ROBO2: variants seen among roughly 807,000 people sequenced by gnomAD.
ROBO2 encodes roundabout homolog 2.
In ROBO2, 53 loss-of-function variants were observed where a neutral mutation model predicts 160.8. The observed-to-expected ratio is 0.33, with a 90% CI of 0.26 to 0.41. The LOEUF (loss-of-function observed/expected upper bound fraction) is 0.41, where lower values mean the gene tolerates loss of function less well. Among genes scored for constraint, ROBO2 ranks in the 10% least tolerant of loss-of-function variants. The pLI is 1.00. For synonymous variants in ROBO2, 664 were observed against 611.7 expected (o/e 1.09, Z -1.26); for missense variants, 1,577 against 1,722.4 (o/e 0.92, Z 1.49).
intron 2 of ROBO2, among the ~76,000 whole-genome samples, chr3:76,097,987 A>G (rs2069523788): frequency 1.3e-5 from 2 of 151,792 alleles, no homozygotes; most frequent in African/African-American, 2.4e-5. Flanking sequence ...GCATTTTTTG[A>G]CACCCTTGAA....
chr3:76,843,810 C>T (rs1233429692), intron 2 of ROBO2, among the ~76,000 whole-genome samples: 1 of 151,956 alleles, frequency 6.6e-6, no homozygotes, highest in Non-Finnish European at 1.5e-5. Flanking sequence ...CTAAAAACGA[C>T]CAGGTACAAA....
rs1018975306 is a variant in ROBO2, at chr3:77,264,918, G to A, written c.388+166578G>A. 2.6e-4 allele frequency among the ~76,000 whole-genome samples: 40 copies of A among 152,004 alleles called. 1 individual carries two copies. Among genetic ancestry groups the A allele is most frequent in the African/African-American group, 8.5e-4 (35 of 41,374 alleles). ...AGCTATAATGCGGCCTGTTCCTTTAGGTGTATCACTATAGAAAAATCTCTT... is the reference window on the plus strand; with the variant it reads ...AGCTATAATGCGGCCTGTTCCTTTAAGTGTATCACTATAGAAAAATCTCTT... On this transcript the variant is annotated intron_variant, in intron 2 of 25. Coordinates refer to ENST00000461745, the Ensembl canonical transcript of ROBO2.
At position 77,042,719 on chromosome 3, in the gene ROBO2, T is replaced by A. The variant is rs1052928827; in HGVS notation, c.61+1873T>A. Reference sequence around the variant, plus strand: ...CTTTCATTCCTCCCTCCCTTCTTTCTCTCCGTTTTATTCCTCTCTCCCTTC... The same window carrying A: ...CTTTCATTCCTCCCTCCCTTCTTTCACTCCGTTTTATTCCTCTCTCCCTTC... On this transcript the variant is annotated intron_variant, in intron 1 of 25. Transcript: ENST00000461745. 2.6e-5 allele frequency among the ~76,000 whole-genome samples: 4 copies of A among 152,134 alleles called. No individual in the cohort carries two copies. The South Asian group carries it at 8.3e-4, about 32-fold the overall frequency.
intron 2 of ROBO2, among the ~76,000 whole-genome samples, chr3:76,950,946 T>C (rs1015222294): frequency 2.0e-5 from 3 of 152,158 alleles, no homozygotes; most frequent in Non-Finnish European, 4.4e-5. Context: ...CAGGCTGGTC[T>C]GGAACTCCCA....
intron 2 of ROBO2, among the ~76,000 whole-genome samples, chr3:77,274,405 GTTT>G (rs539969444): frequency 1.3e-3 from 194 of 152,120 alleles, no homozygotes; most frequent in African/African-American, 4.5e-3. Context: ...TCGTAAGAAT[GTTT>G]TATATTTATT....
chr3:76,590,110 A>G, intron 2 of ROBO2, among the ~76,000 whole-genome samples: 1 of 152,190 alleles, frequency 6.6e-6, no homozygotes, highest in East Asian at 1.9e-4. Flanking sequence ...CATGTATTAT[A>G]TATACGGCAA....
chr3:77,171,584 A>T (rs1336869720), intron 2 of ROBO2, among the ~76,000 whole-genome samples: 1 of 152,196 alleles, frequency 6.6e-6, no homozygotes, highest in Non-Finnish European at 1.5e-5. Flanking sequence ...AACTTTTATG[A>T]CTTTTCTTGC....
chr3:77,581,168 G>A (rs913461063), intron 16 of ROBO2, among the ~76,000 whole-genome samples: 2 of 152,020 alleles, frequency 1.3e-5, no homozygotes, highest in Admixed American at 6.6e-5. Flanking sequence ...TAAAAATTGG[G>A]TTGTCTCTTG....
intron 2 of ROBO2, among the ~76,000 whole-genome samples, chr3:76,438,410 T>TCA (rs35326545): frequency 0.18 from 25,822 of 146,036 alleles, 2,439 homozygotes; most frequent in East Asian, 0.38. Flanking sequence ...TGTAATCAGT[T>TCA]CACACACACA....
intron 2 of ROBO2, among the ~76,000 whole-genome samples, chr3:76,401,314 G>A (rs570853494): frequency 1.3e-4 from 19 of 151,624 alleles, no homozygotes; most frequent in African/African-American, 4.6e-4. Flanking sequence ...CGTGACTGTA[G>A]TGCCCATTCT....
chr3:77,350,125 T>A (rs1196872744), intron 2 of ROBO2, among the ~76,000 whole-genome samples: 1 of 151,538 alleles, frequency 6.6e-6, no homozygotes, highest in African/African-American at 2.4e-5. Context: ...TATATATACA[T>A]ATGCCGTGTG....
chr3:75,997,555 C>T (rs992769092), intron 2 of ROBO2, among the ~76,000 whole-genome samples: 8 of 131,404 alleles, frequency 6.1e-5, no homozygotes, highest in Non-Finnish European at 9.3e-5. Context: ...TGCAGTAGTG[C>T]GATCTCGGCT....
chr3:76,647,775 T>A (rs142678718), intron 2 of ROBO2, among the ~76,000 whole-genome samples: 1 of 151,954 alleles, frequency 6.6e-6, no homozygotes, highest in African/African-American at 2.4e-5. Flanking sequence ...ATACAGTAAT[T>A]GTCAGAGGAA....
intron 2 of ROBO2, among the ~76,000 whole-genome samples, chr3:77,119,877 T>G (rs1394880907): frequency 2.0e-5 from 3 of 152,240 alleles, no homozygotes; most frequent in Admixed American, 1.3e-4. Context: ...TTGTCCAGTT[T>G]CATATAGTAA....
intron 2 of ROBO2, among the ~76,000 whole-genome samples, chr3:76,813,812 G>A (rs972393659): frequency 3.3e-5 from 5 of 152,056 alleles, no homozygotes; most frequent in African/African-American, 1.2e-4. Flanking sequence ...AATGCTTTAA[G>A]TTCTTGATGA....
chr3:77,070,218 A>G (rs73110498), intron 1 of ROBO2, among the ~76,000 whole-genome samples: 17 of 152,294 alleles, frequency 1.1e-4, no homozygotes, highest in Non-Finnish European at 2.2e-4. Flanking sequence ...TGGACTTCGT[A>G]GCCTCCAGAA....
chr3:76,902,935 T>C (rs1000462412), intron 2 of ROBO2, among the ~76,000 whole-genome samples: 4 of 151,962 alleles, frequency 2.6e-5, no homozygotes, highest in Non-Finnish European at 4.4e-5. Flanking sequence ...AATTGATATG[T>C]TTTTAGTGTA....
chr3:76,273,407 G>A (rs776314029), intron 2 of ROBO2, among the ~76,000 whole-genome samples: 2 of 151,924 alleles, frequency 1.3e-5, no homozygotes, highest in Non-Finnish European at 2.9e-5. Context: ...ATAACACGGA[G>A]TGGGTGTATT....
intron 2 of ROBO2, among the ~76,000 whole-genome samples, chr3:76,171,316 A>C: frequency 6.6e-6 from 1 of 151,036 alleles, no homozygotes; most frequent in African/African-American, 2.4e-5. Flanking sequence ...AAACAACCCA[A>C]CCAACAAACA....
Sources: allele counts gnomAD v4.1 joint callset (sites outside exome capture counted in the v4.1 genomes callset), GRCh38; gene constraint gnomAD v4.1.1; transcripts MANE v1.5; gene names NCBI Gene and HGNC (gene_info 2026-07-23, HGNC 2026-07-21).